The following CENPF variants were observed in gnomAD, a reference collection of about 807,000 sequenced individuals.
CENPF encodes centromere protein F.
In CENPF, 214 loss-of-function variants were observed where a neutral mutation model predicts 307.3. The ratio of observed to expected loss-of-function variants is 0.70; its 90% CI spans 0.62 to 0.78. CENPF has a LOEUF of 0.78. CENPF is among the 30% of genes least tolerant of loss of function. The pLI is 0.00. For missense variants in CENPF, 3,401 were observed against 3,483.9 expected (o/e 0.98, Z 0.60); for synonymous variants, 1,259 against 1,270.6 (o/e 0.99, Z 0.19).
chr1:214,651,845 G>A lies in CENPF; in HGVS notation c.8119G>A (p.Glu2707Lys), dbSNP rs144238914. The A allele has an allele frequency of 3.7e-6, 6 of 1,609,566 alleles. No homozygotes were observed. Among genetic ancestry groups the A allele is most frequent in the Non-Finnish European group, 5.1e-6 (6 of 1,178,938 alleles). The change falls in exon 15 of 20, where the codon GAA becomes AAA. Residue 2707 changes from glutamate to lysine, a missense_variant. By Grantham distance (56) the Glu-to-Lys change is moderately conservative. Coordinates refer to ENST00000366955, the MANE Select transcript of CENPF (RefSeq NM_016343.4). The part of the protein sequence containing the change: ...AEYQLRLHEA[E>K]KKHQALLLDT... ...ATATCAGCTACGGCTTCATGAAGCT[G>A]AAAAGAAACACCAGGCTTTGCTTTT...
intron 1 of CENPF, among the ~76,000 whole-genome samples, chr1:214,610,124 T>C (rs1358371462): frequency 6.6e-6 from 1 of 151,746 alleles, no homozygotes; most frequent in Non-Finnish European, 1.5e-5. Context: ...TCCCAAAGTG[T>C]TGGGATTACA....
rs751168712 is a variant in CENPF at position 214,613,953 on chromosome 1, C to T, written c.162+37C>T. 1.2e-5 allele frequency: 18 copies of T among 1,553,262 alleles called. No individual in the cohort carries two copies. In the East Asian group the frequency reaches 3.2e-4, roughly 28 times the overall value. ...GCTCTGGTATTTGTAGCTGTTCACT[C>T]ATTATTGACAGAGAAGTGCTGGTAT... On this transcript the variant is annotated intron_variant, in intron 2 of 19. Coordinates refer to ENST00000366955, the MANE Select transcript of CENPF (RefSeq NM_016343.4).
At chr1:214,614,317 C>T (rs1453024752) in intron 2 of CENPF, among the ~76,000 whole-genome samples, 2 of 152,080 alleles carry the variant, frequency 1.3e-5, no homozygotes, top group African/African-American at 4.8e-5. Context: ...GAGCATTTTG[C>T]AGTTAAATGG....
At chr1:214,632,165 C>T (rs1343150089) in intron 9 of CENPF, among the ~76,000 whole-genome samples, 1 of 152,064 alleles carries the variant, frequency 6.6e-6, no homozygotes, top group Non-Finnish European at 1.5e-5. Flanking sequence ...TAGCCTGTTT[C>T]TTATCTCAAC....
rs1275661797 is a variant in CENPF, at chr1:214,641,598, CAA to C, written c.3263_3264del (p.Lys1088IlefsTer5). Reference sequence around the variant, plus strand: ...GCAAAGGAACACCAAGAATTCTTAACAAAATTAGCATTTGCTGAAGAAAGAAA... The same window carrying C: ...GCAAAGGAACACCAAGAATTCTTAACAATTAGCATTTGCTGAAGAAAGAAA... On this transcript the variant is annotated frameshift_variant, in exon 12 of 20. Coordinates refer to ENST00000366955, the MANE Select transcript of CENPF (RefSeq NM_016343.4). LOFTEE classifies it high-confidence loss of function. 1.3e-6 allele frequency: 2 copies of C among 1,548,522 alleles called. No individual in the cohort carries two copies. The highest frequency in any genetic ancestry group is 1.7e-6 in the Non-Finnish European group (2 of 1,153,896).
intron 1 of CENPF, among the ~76,000 whole-genome samples, chr1:214,604,055 C>A (rs1258054493): frequency 6.6e-6 from 1 of 152,060 alleles, no homozygotes; most frequent in Non-Finnish European, 1.5e-5. Context: ...TGTCCTTGAG[C>A]CTGACCTAGA....
At chr1:214,633,020 G>A (rs1031647460) in intron 10 of CENPF, among the ~76,000 whole-genome samples, 2 of 152,178 alleles carry the variant, frequency 1.3e-5, no homozygotes, top group Non-Finnish European at 1.5e-5. Flanking sequence ...TGGCATTTGT[G>A]TCTTTCAATA....
At position 214,663,750 on chromosome 1, in the gene CENPF, G is replaced by T; in HGVS notation, c.9301G>T (p.Ala3101Ser). The change falls in exon 20 of 20, where the codon GCT becomes TCT. Residue 3101 changes from alanine to serine, a missense_variant. By Grantham distance (99) the Ala-to-Ser change is moderately conservative (BLOSUM62 1). Transcript: ENST00000366955. ...KRGRLVPSPKAGLESNGSENC... is the reference protein window; with the variant it reads ...KRGRLVPSPKSGLESNGSENC... ...AGGCCGACTTGTCCCCAGCCCCAAA[G>T]CTGGACTGGAGTCCAACGGCAGTGA... 1 of 1,614,130 alleles carries T rather than the reference G, an allele frequency of 6.2e-7. No individual in the cohort carries two copies. The highest frequency in any genetic ancestry group is 1.3e-5 in the African/African-American group (1 of 75,050).
rs748136375 is a variant in CENPF, at chr1:214,637,903, C to T, written c.1484C>T (p.Ser495Phe). Reference protein sequence around the residue: ...KKENNLLKSHSEQKAREVCHL... With the variant: ...KKENNLLKSHFEQKAREVCHL... ...GAAAACAACCTCCTTAAGAGTCACT[C>T]TGAGCAAAAGGCCAGAGAAGTCTGC... The change falls in exon 11 of 20, where the codon TCT (serine) becomes TTT (phenylalanine). Residue 495 changes from serine to phenylalanine, a missense_variant. Transcript: ENST00000366955. 6 of 1,613,154 alleles carry T rather than the reference C, an allele frequency of 3.7e-6. No individual in the cohort carries two copies. In the African/African-American group the frequency reaches 6.7e-5, roughly 18 times the overall value.
chr1:214,608,611 TG>T (rs1327030886), intron 1 of CENPF: 13 of 1,607,474 alleles, frequency 8.1e-6, no homozygotes, highest in Non-Finnish European at 1.0e-5. Flanking sequence ...CTGGCTGTAC[TG>T]GAAGTCGGCG....
At chr1:214,607,750 G>A (rs189099920) in intron 1 of CENPF, among the ~76,000 whole-genome samples, 15 of 152,320 alleles carry the variant, frequency 9.8e-5, no homozygotes, top group African/African-American at 1.4e-4. Context: ...CCAGGCAAGC[G>A]CAGGGCTGGG....
intron 1 of CENPF, chr1:214,605,930 T>C: frequency 1.3e-6 from 2 of 1,597,374 alleles, no homozygotes; most frequent in Non-Finnish European, 1.7e-6. Context: ...GTAGGTCTTC[T>C]TGGTGTCGGG....
intron 3 of CENPF, among the ~76,000 whole-genome samples, chr1:214,616,902 TTTCTTTCTTTC>T (rs1657368400): frequency 1.2e-5 from 1 of 86,840 alleles, no homozygotes; most frequent in African/African-American, 4.3e-5. Flanking sequence ...TCTTTCTTTC[TTTCTTTCTTTC>T]TTTCTTTCTT....
rs769437962 is a variant in CENPF at position 214,642,067 on chromosome 1, A to T, written c.3729A>T (p.Gly1243=). Residue 1243 remains glycine, a synonymous_variant, in exon 12 of 20, where the codon GGA becomes GGT. Transcript: ENST00000366955. The part of the protein sequence containing the change: ...CLQHELQTIR[G]DLETSNLQDM... Reference sequence around the variant, plus strand: ...AGCATGAATTACAGACAATTAGAGGAGATCTTGAAACCAGCAATTTGCAAG... The same window carrying T: ...AGCATGAATTACAGACAATTAGAGGTGATCTTGAAACCAGCAATTTGCAAG... The T allele has an allele frequency of 8.1e-6, 13 of 1,610,716 alleles. No individual in the cohort carries two copies. In the African/African-American group the frequency reaches 1.6e-4, roughly 20 times the overall value.
In CENPF at chr1:214,659,833, C is replaced by G. The variant is rs546670129; in HGVS notation, c.9141+805C>G. Among the ~76,000 whole-genome samples the G allele has an allele frequency of 7.6e-4, 115 of 152,278 alleles. No individual in the cohort carries two copies. The highest frequency in any genetic ancestry group is 2.5e-3 in the African/African-American group (103 of 41,560). ...ATCTTTCTACGATACCAGTGTTTCT[C>G]AGACTGGGGACTAGGGGGATATTTT... On this transcript the variant is annotated intron_variant, in intron 19 of 19. Coordinates refer to ENST00000366955, the MANE Select transcript of CENPF (RefSeq NM_016343.4). This position sits in a 1 kb window ranked among gnomAD's most constrained non-coding sequence, Gnocchi z 4.4.
chr1:214,660,082 G>A (rs417774), intron 19 of CENPF, among the ~76,000 whole-genome samples: 67,809 of 152,034 alleles, frequency 0.45, 15,995 homozygotes, highest in East Asian at 0.84. Context: ...GTGGTTACAC[G>A]TGGGCGATCT....
rs1029116420 is a variant in CENPF, at chr1:214,641,995, T to C, written c.3657T>C (p.Asn1219=). 2.5e-6 allele frequency: 4 copies of C among 1,609,922 alleles called. No individual in the cohort carries two copies. In the African/African-American group the frequency reaches 5.4e-5, roughly 22 times the overall value. The change falls in exon 12 of 20, where the codon AAT becomes AAC. Residue 1219 remains asparagine, a synonymous_variant. Coordinates refer to ENST00000366955, the MANE Select transcript of CENPF (RefSeq NM_016343.4). ...QLVQLEAMLR[N]KELKLQESEK... ...TGCAATTAGAAGCTATGCTAAGAAA[T>C]AAGGAATTAAAACTTCAGGAAAGTG... is the stretch of plus-strand genomic sequence containing the variant.
intron 1 of CENPF, among the ~76,000 whole-genome samples, chr1:214,607,232 C>G (rs1457100028): frequency 2.0e-5 from 3 of 152,228 alleles, no homozygotes; most frequent in Non-Finnish European, 2.9e-5. Flanking sequence ...CTCAAACGAA[C>G]AGGACACATC....
chr1:214,648,934 C>A, intron 14 of CENPF, 107 bp downstream of exon 14: 1 of 1,149,746 alleles, frequency 8.7e-7, no homozygotes, highest in African/African-American at 1.6e-5. Flanking sequence ...TTATTTTTAG[C>A]TCTTGAAAAA....
Sources: allele counts gnomAD v4.1 joint callset (sites outside exome capture counted in the v4.1 genomes callset), GRCh38; gene constraint gnomAD v4.1.1; non-coding constraint Gnocchi (gnomAD v3.1); transcripts MANE v1.5; gene names NCBI Gene and HGNC (gene_info 2026-07-23, HGNC 2026-07-21).